Variants in PLCB4 observed in about 807,000 individuals in gnomAD.
PLCB4 encodes the protein phospholipase C beta 4.
PLCB4 carries 77 observed loss-of-function variants against 178.8 expected under a neutral mutation model. The ratio of observed to expected loss-of-function variants is 0.43; its 90% CI spans 0.36 to 0.52. The LOEUF (loss-of-function observed/expected upper bound fraction) is 0.52, where lower values mean the gene tolerates loss of function less well. Among genes scored for constraint, PLCB4 ranks in the 20% least tolerant of loss-of-function variants. PLCB4 has a pLI of 0.00. For missense variants in PLCB4, 1,024 were observed against 1,453.4 expected (o/e 0.70, Z 4.80); for synonymous variants, 496 against 490.8 (o/e 1.01, Z -0.14).
At chr20:9,451,457 AT>A (rs1365670566) in intron 32 of PLCB4, among the ~76,000 whole-genome samples, 1 of 152,088 alleles carries the variant, frequency 6.6e-6, no homozygotes, top group Non-Finnish European at 1.5e-5. Flanking sequence ...TATTTATTTA[AT>A]TTTTTGCCCA....
chr20:9,426,234 A>T (rs1229140783), intron 28 of PLCB4, among the ~76,000 whole-genome samples: 1 of 152,230 alleles, frequency 6.6e-6, no homozygotes, highest in Non-Finnish European at 1.5e-5. Flanking sequence ...AAATATGCAT[A>T]GCAGGTTTAT....
At chr20:9,205,071 TA>T (rs1200017756) in intron 2 of PLCB4, among the ~76,000 whole-genome samples, 1 of 152,226 alleles carries the variant, frequency 6.6e-6, no homozygotes, top group Non-Finnish European at 1.5e-5. Flanking sequence ...GCAAAAATGG[TA>T]ACACATCCTT....
At chr20:9,288,629 T>A (rs2094555056) in intron 3 of PLCB4, among the ~76,000 whole-genome samples, 1 of 151,726 alleles carries the variant, frequency 6.6e-6, no homozygotes. Flanking sequence ...AGTGATACCA[T>A]AGGATTGCCC....
intron 13 of PLCB4, among the ~76,000 whole-genome samples, chr20:9,383,117 A>G (rs767280965): frequency 1.8e-4 from 27 of 152,222 alleles, no homozygotes; most frequent in Non-Finnish European, 3.4e-4. Context: ...TAGTTTTTAC[A>G]TAAAATTAAA....
In PLCB4 at chr20:9,361,873, T is replaced by C. The variant is rs546423206; in HGVS notation, c.370-1023T>C. ...TCAACCCCATGTTGATGTTTAAGCA[T>C]GTAAAATGTGATTAGTGCAAATGAG... On this transcript the variant is annotated intron_variant, in intron 7 of 39. Transcript: ENST00000378473. Among the ~76,000 whole-genome samples, 5 of 152,340 alleles carry C rather than the reference T, an allele frequency of 3.3e-5. No individual in the cohort carries two copies. In the East Asian group the frequency reaches 7.7e-4, roughly 23 times the overall value.
intron 3 of PLCB4, among the ~76,000 whole-genome samples, chr20:9,224,835 A>G (rs576231242): frequency 2.7e-4 from 41 of 152,182 alleles, no homozygotes; most frequent in Non-Finnish European, 5.0e-4. Context: ...ACATTCTACC[A>G]AATACTGTTC....
intron 30 of PLCB4, among the ~76,000 whole-genome samples, chr20:9,440,912 A>T (rs1202367294): frequency 2.6e-5 from 4 of 152,132 alleles, no homozygotes; most frequent in African/African-American, 9.7e-5. Flanking sequence ...CAGGATGGAG[A>T]TTGCAGTCAG....
intron 2 of PLCB4, among the ~76,000 whole-genome samples, chr20:9,203,736 CA>C (rs1680030938): frequency 6.6e-6 from 1 of 150,384 alleles, no homozygotes; most frequent in African/African-American, 2.4e-5. Context: ...CTCTCACTCC[CA>C]AAACCACTCT....
At chr20:9,157,928 T>C (rs2092817914) in intron 2 of PLCB4, among the ~76,000 whole-genome samples, 1 of 152,148 alleles carries the variant, frequency 6.6e-6, no homozygotes, top group Admixed American at 6.6e-5. Flanking sequence ...TGAGACCCTA[T>C]CTCAAACAAG....
chr20:9,291,200 T>C (rs1381213100), intron 3 of PLCB4, among the ~76,000 whole-genome samples: 2 of 152,198 alleles, frequency 1.3e-5, no homozygotes, highest in Non-Finnish European at 2.9e-5. Context: ...CAATGTCACA[T>C]TAGATTTATT....
chr20:9,117,968 A>G (rs2091836005), intron 2 of PLCB4, among the ~76,000 whole-genome samples: 1 of 151,906 alleles, frequency 6.6e-6, no homozygotes, highest in Admixed American at 6.6e-5. Context: ...CTTGCTTATT[A>G]TTTATTTCTT....
At chr20:9,086,639 C>T (rs1399883115) in intron 1 of PLCB4, among the ~76,000 whole-genome samples, 20 of 152,130 alleles carry the variant, frequency 1.3e-4, no homozygotes, top group Admixed American at 1.2e-3. Flanking sequence ...CCCTCTTCTA[C>T]CCCTTCCATG....
At chr20:9,113,170 A>G (rs1182930088) in intron 2 of PLCB4, among the ~76,000 whole-genome samples, 3 of 152,114 alleles carry the variant, frequency 2.0e-5, no homozygotes, top group Admixed American at 2.0e-4. Context: ...TTGTTAATTG[A>G]GTTTTTCTTT....
At chr20:9,253,644 G>C (rs2094204420) in intron 3 of PLCB4, among the ~76,000 whole-genome samples, 1 of 152,096 alleles carries the variant, frequency 6.6e-6, no homozygotes, top group Non-Finnish European at 1.5e-5. Context: ...CCTCTTTGTT[G>C]ATGATAAGCT....
chr20:9,466,715 C>G (rs902212857), intron 35 of PLCB4, among the ~76,000 whole-genome samples: 3 of 152,308 alleles, frequency 2.0e-5, no homozygotes, highest in Admixed American at 6.5e-5. Context: ...AAATGCAAAT[C>G]AAAACCACAA....
chr20:9,342,664 T>C (rs1455660273), intron 7 of PLCB4, among the ~76,000 whole-genome samples: 1 of 151,924 alleles, frequency 6.6e-6, no homozygotes, highest in South Asian at 2.1e-4. Context: ...GGGTTTTTTT[T>C]TTTTTTCCCC....
intron 2 of PLCB4, among the ~76,000 whole-genome samples, chr20:9,099,507 C>T (rs182318506): frequency 4.5e-4 from 69 of 152,164 alleles, no homozygotes; most frequent in Non-Finnish European, 4.6e-4. Flanking sequence ...TCATCATTTA[C>T]ACCAGTCACA....
chr20:9,461,917 T>C (rs1357387500), intron 35 of PLCB4, among the ~76,000 whole-genome samples: 1 of 152,156 alleles, frequency 6.6e-6, no homozygotes, highest in East Asian at 1.9e-4. Context: ...TCTCCCAGCA[T>C]GGCGTTTGAG....
intron 1 of PLCB4, among the ~76,000 whole-genome samples, chr20:9,091,589 C>G (rs2090680089): frequency 6.6e-6 from 1 of 151,328 alleles, no homozygotes; most frequent in Non-Finnish European, 1.5e-5. Context: ...AGGTGAGCTC[C>G]AAAGCTCCCT....
Sources: gnomAD v4.1 joint callset for allele counts (sites outside exome capture counted in the v4.1 genomes callset) on GRCh38, gnomAD v4.1.1 for gene constraint, MANE v1.5 for transcripts, NCBI Gene and HGNC (gene_info 2026-07-23, HGNC 2026-07-21) for gene names.